LOC128092252: variants seen among roughly 807,000 people sequenced by gnomAD.
At chr15:50,650,192 C>CAAAAAAAAA in the LOC128092252 span, among the ~76,000 whole-genome samples, 12 of 62,292 alleles carry the variant, frequency 1.9e-4, no homozygotes, top group African/African-American at 3.6e-4. Flanking sequence ...GACTTTGTCT[C>CAAAAAAAAA]AAAAAAAAAA....
chr15:50,674,379 G>A, the LOC128092252 span, among the ~76,000 whole-genome samples: 4 of 152,242 alleles, frequency 2.6e-5, no homozygotes, highest in African/African-American at 9.6e-5. Context: ...TGATCCACCC[G>A]CCTCAGCCTC....
chr15:50,657,666 C>T, the LOC128092252 span: 3 of 887,866 alleles, frequency 3.4e-6, no homozygotes, highest in African/African-American at 1.7e-5. Flanking sequence ...AGGTAAAGTA[C>T]CCATCAAATA....
At chr15:50,659,230 C>T in the LOC128092252 span, among the ~76,000 whole-genome samples, 1 of 151,720 alleles carries the variant, frequency 6.6e-6, no homozygotes, top group Non-Finnish European at 1.5e-5. Context: ...TAGTGATCGC[C>T]AAGATAAGTT....
the LOC128092252 span, among the ~76,000 whole-genome samples, chr15:50,672,047 G>A: frequency 6.6e-6 from 1 of 151,562 alleles, no homozygotes. Flanking sequence ...ACCTATTTTT[G>A]TTTGGTTGGT....
chr15:50,671,052 A>AT, the LOC128092252 span, among the ~76,000 whole-genome samples: 24 of 152,230 alleles, frequency 1.6e-4, no homozygotes, highest in Middle Eastern at 3.4e-3. Context: ...CTCACATACT[A>AT]TTTTTTTGTG....
chr15:50,686,145 G>A, the LOC128092252 span, among the ~76,000 whole-genome samples: 1 of 152,170 alleles, frequency 6.6e-6, no homozygotes, highest in Admixed American at 6.5e-5. Context: ...GCCAGCAACT[G>A]GCGCCAGGAG....
the LOC128092252 span, among the ~76,000 whole-genome samples, chr15:50,663,214 C>T: frequency 6.6e-6 from 1 of 152,060 alleles, no homozygotes; most frequent in African/African-American, 2.4e-5. Flanking sequence ...CCACAACCTC[C>T]GCCTCCCGGG....
At chr15:50,685,581 C>A in the LOC128092252 span, among the ~76,000 whole-genome samples, 1 of 152,150 alleles carries the variant, frequency 6.6e-6, no homozygotes, top group African/African-American at 2.4e-5. Context: ...CTTGAATTAG[C>A]GTCCAGTGAA....
chr15:50,672,898 CAAAAAAAAA>C, the LOC128092252 span, among the ~76,000 whole-genome samples: 8 of 26,218 alleles, frequency 3.1e-4, no homozygotes, highest in South Asian at 2.1e-3. Context: ...GACTCTGTCT[CAAAAAAAAA>C]AAAAAAAAAA....
chr15:50,668,731 C>T, the LOC128092252 span, among the ~76,000 whole-genome samples: 1 of 152,188 alleles, frequency 6.6e-6, no homozygotes, highest in Non-Finnish European at 1.5e-5. Context: ...TGGTCTCAAA[C>T]TCCTGACATC....
the LOC128092252 span, among the ~76,000 whole-genome samples, chr15:50,679,921 ATG>A: frequency 5.9e-5 from 9 of 152,070 alleles, no homozygotes; most frequent in Non-Finnish European, 1.2e-4. Flanking sequence ...GCCCCAGAGT[ATG>A]TGTCTCTGCA....
the LOC128092252 span, among the ~76,000 whole-genome samples, chr15:50,678,037 A>C: frequency 6.6e-6 from 1 of 151,840 alleles, no homozygotes; most frequent in East Asian, 1.9e-4. Flanking sequence ...CAGGAGATTG[A>C]GACCAGTCTG....
the LOC128092252 span, among the ~76,000 whole-genome samples, chr15:50,667,904 G>C: frequency 6.6e-6 from 1 of 152,152 alleles, no homozygotes; most frequent in African/African-American, 2.4e-5. Context: ...GGTTGCATTT[G>C]TATAAATATG....
chr15:50,666,567 G>A, the LOC128092252 span, among the ~76,000 whole-genome samples: 5 of 152,004 alleles, frequency 3.3e-5, no homozygotes, highest in Non-Finnish European at 7.4e-5. Context: ...ACTTTGGGAG[G>A]CTGAGGCGGG....
At chr15:50,659,204 AAAAG>A in the LOC128092252 span, among the ~76,000 whole-genome samples, 1 of 152,096 alleles carries the variant, frequency 6.6e-6, no homozygotes, top group Non-Finnish European at 1.5e-5. Context: ...AAAAAAAAAA[AAAAG>A]AAAGAACAAA....
the LOC128092252 span, among the ~76,000 whole-genome samples, chr15:50,657,990 T>C: frequency 6.6e-6 from 1 of 151,540 alleles, no homozygotes; most frequent in Non-Finnish European, 1.5e-5. Flanking sequence ...AACTATTTTT[T>C]AACTGACAGT....
At chr15:50,682,727 CTG>C in the LOC128092252 span, among the ~76,000 whole-genome samples, 1 of 152,162 alleles carries the variant, frequency 6.6e-6, no homozygotes, top group Non-Finnish European at 1.5e-5. Context: ...AAGTCAAACA[CTG>C]TATTCACATT....
chr15:50,662,884 G>A, the LOC128092252 span: 1 of 973,098 alleles, frequency 1.0e-6, no homozygotes, highest in African/African-American at 1.7e-5. Flanking sequence ...TTATTTAGTG[G>A]TTTTTGTTTC....
the LOC128092252 span, among the ~76,000 whole-genome samples, chr15:50,680,377 G>A: frequency 6.6e-6 from 1 of 151,934 alleles, no homozygotes. Context: ...TCTGTCTCCA[G>A]TAAAAACACA....
Sources: allele counts gnomAD v4.1 joint callset (sites outside exome capture counted in the v4.1 genomes callset), GRCh38; gene constraint gnomAD v4.1.1; transcripts MANE v1.5.